The following MACROD1 variants were observed in gnomAD, a reference collection of about 807,000 sequenced individuals.
MACROD1 encodes the protein ADP-ribose glycohydrolase MACROD1.
In MACROD1, 31 loss-of-function variants were observed where a neutral mutation model predicts 41.4. That is an observed-to-expected ratio of 0.75 (90% CI 0.56 to 1.01). The LOEUF (loss-of-function observed/expected upper bound fraction) is 1.01. Among genes scored for constraint, MACROD1 ranks in the 50% least tolerant of loss-of-function variants. The pLI, the probability that MACROD1 is intolerant of heterozygous loss-of-function variation, is 0.00. For synonymous variants in MACROD1, 252 were observed against 203.4 expected (o/e 1.24, Z -2.03); for missense variants, 473 against 460.0 (o/e 1.03, Z -0.26).
intron 3 of MACROD1, among the ~76,000 whole-genome samples, chr11:64,115,096 G>A (rs1264057145): frequency 2.0e-5 from 3 of 152,146 alleles, no homozygotes; most frequent in Non-Finnish European, 4.4e-5. Flanking sequence ...GGTTCCGAGA[G>A]GCCATCATGT....
At chr11:64,098,372 T>C (rs1007548349) in intron 3 of MACROD1, among the ~76,000 whole-genome samples, 8 of 152,226 alleles carry the variant, frequency 5.3e-5, no homozygotes, top group Non-Finnish European at 7.3e-5. Context: ...AGTCTTCACA[T>C]AGGCTGTTCC....
At chr11:64,004,836 G>A (rs1942883893) in intron 4 of MACROD1, among the ~76,000 whole-genome samples, 1 of 151,984 alleles carries the variant, frequency 6.6e-6, no homozygotes, top group Non-Finnish European at 1.5e-5. Flanking sequence ...GGTCACTTGA[G>A]CTCAGGAGTT....
intron 3 of MACROD1, among the ~76,000 whole-genome samples, chr11:64,144,448 G>A (rs1388980682): frequency 2.6e-5 from 4 of 152,216 alleles, no homozygotes; most frequent in Admixed American, 6.5e-5. Flanking sequence ...GCCTGAGTTC[G>A]AATTCTGGCT....
Position 64,016,033 on chromosome 11 carries a change from G to A in MACROD1, c.518-752C>T, listed in dbSNP as rs1242358659. Among the ~76,000 whole-genome samples, 4 of 152,180 alleles carry A rather than the reference G, an allele frequency of 2.6e-5. No homozygotes were observed. The East Asian group carries it at 5.8e-4, about 22-fold the overall frequency. ...AGAGGGGTCCTCAACTCTGAGCCCC[G>A]CTGCAGGAAGACCTGGGTCCCCGCC... On this transcript the variant is annotated intron_variant, in intron 3 of 10. Coordinates refer to ENST00000255681, the MANE Select transcript of MACROD1 (RefSeq NM_014067.4).
At position 64,117,044 on chromosome 11, in the gene MACROD1, G is replaced by C. The variant is rs377020952; in HGVS notation, c.517+34195C>G. 3.1e-6 allele frequency: 5 copies of C among 1,606,530 alleles called. No individual in the cohort carries two copies. The African/African-American group carries it at 6.7e-5, about 22-fold the overall frequency. On this transcript the variant is annotated intron_variant, in intron 3 of 10. Transcript: ENST00000255681. ...CAGAGCTCTCGCTGGTGCGCAATTCGCTGGCCGCGCCACCCCTCAACCTGC... is the reference window on the plus strand; with the variant it reads ...CAGAGCTCTCGCTGGTGCGCAATTCCCTGGCCGCGCCACCCCTCAACCTGC...
chr11:64,000,050 T>C (rs1942793431), intron 5 of MACROD1, 177 bp downstream of exon 5: 2 of 635,090 alleles, frequency 3.1e-6, no homozygotes, highest in Non-Finnish European at 2.7e-6. Context: ...CCACGCACGG[T>C]CTCCCCCATG....
chr11:64,130,923 G>A (rs1945256704), intron 3 of MACROD1, among the ~76,000 whole-genome samples: 2 of 152,350 alleles, frequency 1.3e-5, no homozygotes, highest in African/African-American at 4.8e-5. Flanking sequence ...AGCCTGGGAC[G>A]AGATGAAATT....
At chr11:64,060,797 G>A (rs953267495) in intron 3 of MACROD1, 3 of 152,214 alleles carry the variant, frequency 2.0e-5, no homozygotes, top group Non-Finnish European at 4.4e-5. Context: ...CGAATGCCCA[G>A]TCTTTGAGTC....
chr11:63,999,567 G>A lies in MACROD1; in HGVS notation c.787-7C>T, dbSNP rs754916161. On this transcript the variant is annotated splice_polypyrimidine_tract_variant and splice_region_variant and intron_variant, in intron 6 of 10. Transcript: ENST00000255681. ...TGGAGATGCAGGGGAACGCCTGGGC[G>A]GGGAGGGGTGAGAGGGGGTTGGAAC... The A allele has an allele frequency of 5.0e-6, 8 of 1,610,010 alleles. No individual in the cohort carries two copies. Among genetic ancestry groups the A allele is most frequent in the Non-Finnish European group, 6.8e-6 (8 of 1,178,768 alleles).
intron 3 of MACROD1, among the ~76,000 whole-genome samples, chr11:64,045,488 C>T (rs1299996077): frequency 1.3e-5 from 2 of 152,276 alleles, no homozygotes; most frequent in Non-Finnish European, 2.9e-5. Flanking sequence ...TGGGCCCTGC[C>T]GTGGGGCAGC....
intron 3 of MACROD1, among the ~76,000 whole-genome samples, chr11:64,018,542 G>A (rs978178390): frequency 1.7e-4 from 26 of 152,070 alleles, no homozygotes; most frequent in East Asian, 2.0e-4. Flanking sequence ...CACCCAGCCC[G>A]CCCAGCCCAG....
At chr11:64,149,088 G>C in intron 3 of MACROD1, 1 of 897,234 alleles carries the variant, frequency 1.1e-6, no homozygotes, top group Non-Finnish European at 1.3e-6. Flanking sequence ...GGTAAACTGA[G>C]GCAAGCAGGG....
At chr11:64,148,738 A>G (rs1286781987) in intron 3 of MACROD1, 26 of 985,674 alleles carry the variant, frequency 2.6e-5, no homozygotes, top group Non-Finnish European at 3.1e-5. Flanking sequence ...CAGCCCCGAA[A>G]AGCCCTGCCG....
chr11:64,090,410 C>A lies in MACROD1; in HGVS notation c.517+60829G>T, dbSNP rs1565227829. ...ATTACTGAGCCTGGTGCTTTATTTC[C>A]TCAACTCACCTCCAGCCCGGGCAGC... On this transcript the variant is annotated intron_variant, in intron 3 of 10. Transcript: ENST00000255681. The surrounding 1 kb of genome is among the most constrained non-coding windows in gnomAD (Gnocchi z 4.7). Among the ~76,000 whole-genome samples, 1 of 152,194 alleles carries A rather than the reference C, an allele frequency of 6.6e-6. No individual in the cohort carries two copies. The highest frequency in any genetic ancestry group is 1.5e-5 in the Non-Finnish European group (1 of 68,022).
intron 3 of MACROD1, among the ~76,000 whole-genome samples, chr11:64,060,013 G>GCC (rs1464743114): frequency 6.6e-6 from 1 of 152,152 alleles, no homozygotes; most frequent in Non-Finnish European, 1.5e-5. Flanking sequence ...ACGTCCAGGG[G>GCC]CCCCCCTCCC....
intron 3 of MACROD1, among the ~76,000 whole-genome samples, chr11:64,074,993 G>T (rs1417426889): frequency 6.6e-6 from 1 of 152,226 alleles, no homozygotes; most frequent in Admixed American, 6.5e-5. Context: ...TCTCCTTAAG[G>T]TTGAAAAGGG....
intron 3 of MACROD1, among the ~76,000 whole-genome samples, chr11:64,113,968 TTGGA>T (rs1433219732): frequency 1.2e-5 from 1 of 81,608 alleles, no homozygotes; most frequent in African/African-American, 4.9e-5. Context: ...GGATGGATAA[TTGGA>T]TGGATGGATA....
chr11:64,062,989 G>C (rs1943933082), intron 3 of MACROD1, among the ~76,000 whole-genome samples: 1 of 152,234 alleles, frequency 6.6e-6, no homozygotes, highest in Non-Finnish European at 1.5e-5. Flanking sequence ...CAAGGGGACA[G>C]GGCTCCCGGC....
intron 3 of MACROD1, among the ~76,000 whole-genome samples, chr11:64,133,168 C>T (rs1336641712): frequency 6.6e-6 from 1 of 152,196 alleles, no homozygotes; most frequent in Non-Finnish European, 1.5e-5. Context: ...ATGCACGGAG[C>T]CCCCACGCTA....
Sources: allele counts gnomAD v4.1 joint callset (sites outside exome capture counted in the v4.1 genomes callset), GRCh38; gene constraint gnomAD v4.1.1; non-coding constraint Gnocchi (gnomAD v3.1); transcripts MANE v1.5; gene names NCBI Gene and HGNC (gene_info 2026-07-23, HGNC 2026-07-21).